Variants in SEMA4A observed in about 807,000 individuals in gnomAD.
The protein encoded by SEMA4A is semaphorin 4A, also known as semaphorin-4A.
A neutral mutation model predicts 72.5 loss-of-function variants in SEMA4A; 52 were observed. The ratio of observed to expected loss-of-function variants is 0.72; its 90% CI spans 0.57 to 0.90. The LOEUF (loss-of-function observed/expected upper bound fraction) is 0.90, where lower values mean the gene tolerates loss of function less well. Ranked by LOEUF, SEMA4A falls within the 40% of genes least tolerant of loss-of-function variation. The pLI is 0.00. For synonymous variants in SEMA4A, 369 were observed against 393.1 expected (o/e 0.94, Z 0.73); for missense variants, 926 against 959.7 (o/e 0.96, Z 0.46).
chr1:156,177,102 T>C lies in SEMA4A; in HGVS notation c.*105T>C, dbSNP rs1572434528. On this transcript the variant is annotated 3_prime_UTR_variant, in exon 15 of 15. Coordinates refer to ENST00000368285, the MANE Select transcript of SEMA4A (RefSeq NM_022367.4). Reference sequence around the variant, plus strand: ...TGACAGCAGCACAAAAGACCACCTTTCTCCCCTGAGAGGAGCTTCTGCTAC... The same window carrying C: ...TGACAGCAGCACAAAAGACCACCTTCCTCCCCTGAGAGGAGCTTCTGCTAC... 4 of 991,404 alleles carry C rather than the reference T, an allele frequency of 4.0e-6. No homozygotes were observed. The highest frequency in any genetic ancestry group is 2.6e-5 in the East Asian group (1 of 39,088). 61.4% of individuals were successfully genotyped at this position (991,404 alleles called of 1,614,324 possible).
At chr1:156,170,871 A>G (rs1437552868) in intron 10 of SEMA4A, among the ~76,000 whole-genome samples, 17 of 152,086 alleles carry the variant, frequency 1.1e-4, no homozygotes. Flanking sequence ...CAGTGAACCA[A>G]GATCATGCCA....
In SEMA4A at chr1:156,154,610, G is replaced by C; in HGVS notation, c.32G>C (p.Trp11Ser). 2 of 1,610,880 alleles carry C rather than the reference G, an allele frequency of 1.2e-6. No homozygotes were observed. Among genetic ancestry groups the C allele is most frequent in the Non-Finnish European group, 1.7e-6 (2 of 1,179,252 alleles). The change falls in exon 2 of 15, where the codon TGG becomes TCG. Residue 11 changes from tryptophan (W) to serine (S), a missense_variant. Transcript: ENST00000368285. The stretch of plus-strand genomic sequence containing the variant: ...CTCCCAGCCCTGGGCCTGGACCCCT[G>C]GAGCCTCCTGGGCCTTTTCCTCTTC... Reference protein sequence around the residue: MALPALGLDPWSLLGLFLFQL... With the variant: MALPALGLDPSSLLGLFLFQL...
rs781595745 is a variant in SEMA4A, at chr1:156,176,980, G to A, written c.2269G>A (p.Gly757Ser). The A allele has an allele frequency of 6.2e-7, 1 of 1,610,892 alleles. No homozygotes were observed. Among genetic ancestry groups the A allele is most frequent in the Non-Finnish European group, 8.5e-7 (1 of 1,180,014 alleles). ...SDVDADNNCL[G>S]TEVA The stretch of plus-strand genomic sequence containing the variant: ...TGTGGACGCTGACAACAACTGCCTA[G>A]GCACTGAGGTAGCTTAAACTCTAGG... Residue 757 changes from glycine (G) to serine (S), a missense_variant, in exon 15 of 15, where the codon GGC becomes AGC. By Grantham distance (56) the Gly-to-Ser change is moderately conservative. Transcript: ENST00000368285.
chr1:156,161,537 C>T lies in SEMA4A; in HGVS notation c.983+19C>T, dbSNP rs751786033. On this transcript the variant is annotated intron_variant, in intron 9 of 14. Transcript: ENST00000368285. The stretch of plus-strand genomic sequence containing the variant: ...CCCAGTGGTGAGCAGCAGGGCTGGA[C>T]CATGGGGGCTGGACACGGGACTTGA... 8.7e-6 allele frequency: 14 copies of T among 1,613,342 alleles called. No homozygotes were observed. The highest frequency in any genetic ancestry group is 1.2e-5 in the Non-Finnish European group (14 of 1,179,714).
At chr1:156,156,380 C>CCTCATCA (rs1558146507) in intron 2 of SEMA4A, 34 bp from the exon 3 acceptor site, 1 of 1,610,804 alleles carries the variant, frequency 6.2e-7, no homozygotes, top group Non-Finnish European at 8.5e-7. Context: ...CCCACCAAGT[C>CCTCATCA]CTCATCACTC....
intron 8 of SEMA4A, 21 bp downstream of exon 8, chr1:156,161,050 G>C (rs1653570832): frequency 2.6e-6 from 3 of 1,138,950 alleles, no homozygotes; most frequent in Non-Finnish European, 3.9e-6. Context: ...TGGGCGGGGG[G>C]CGGGGCTAAC....
chr1:156,164,143 A>C (rs1206513752), intron 10 of SEMA4A, among the ~76,000 whole-genome samples: 1 of 152,178 alleles, frequency 6.6e-6, no homozygotes. Context: ...TTATATGTAC[A>C]TGATTTGAAG....
chr1:156,170,403 C>T (rs1427712656), intron 10 of SEMA4A, among the ~76,000 whole-genome samples: 12 of 120,088 alleles, frequency 1.0e-4, no homozygotes, highest in Admixed American at 2.2e-4. Context: ...GCGGAGGTTG[C>T]GGTGAGCCAA....
chr1:156,174,107 G>A (rs1265472569), intron 11 of SEMA4A, among the ~76,000 whole-genome samples: 5 of 150,494 alleles, frequency 3.3e-5, no homozygotes, highest in African/African-American at 7.5e-5. Flanking sequence ...GTGAAAATCC[G>A]TCTCAAAAAA....
intron 2 of SEMA4A, 183 bp downstream of exon 2, chr1:156,154,900 A>C: frequency 2.5e-6 from 2 of 800,462 alleles, no homozygotes; most frequent in Non-Finnish European, 3.8e-6. Context: ...AGAAGTCCAA[A>C]AGGAAAGAAA....
intron 11 of SEMA4A, 112 bp downstream of exon 11, chr1:156,173,118 G>T: frequency 9.1e-7 from 1 of 1,102,700 alleles, no homozygotes; most frequent in Non-Finnish European, 1.3e-6. Context: ...ACTGTTTACT[G>T]AGCACCTGCT....
Position 156,163,066 on chromosome 1 carries a change from G to C in SEMA4A, c.1106G>C (p.Gly369Ala), listed in dbSNP as rs766333320. The C allele has an allele frequency of 6.2e-7, 1 of 1,614,108 alleles. No homozygotes were observed. The highest frequency in any genetic ancestry group is 8.5e-7 in the Non-Finnish European group (1 of 1,180,018). The change falls in exon 10 of 15, where the codon GGC (glycine) becomes GCC (alanine). Residue 369 changes from glycine (G) to alanine (A), a missense_variant. Gly to Ala is a moderately conservative substitution (Grantham distance 60). Coordinates refer to ENST00000368285, the MANE Select transcript of SEMA4A (RefSeq NM_022367.4). ...KETSRWTTYR[G>A]PETNPRPGSC... ...ACTTCACGCTGGACTACTTATAGGG[G>C]CCCTGAGACCAACCCCCGGCCAGGC...
chr1:156,153,107 A>G (rs1268584952), upstream of SEMA4A, among the ~76,000 whole-genome samples: 1 of 152,150 alleles, frequency 6.6e-6, no homozygotes, highest in Non-Finnish European at 1.5e-5. Context: ...TCAAAGAGTG[A>G]TGGAGATTAG....
chr1:156,175,883 T>C (rs767054628), intron 14 of SEMA4A, among the ~76,000 whole-genome samples: 2 of 152,106 alleles, frequency 1.3e-5, no homozygotes, highest in African/African-American at 4.8e-5. Context: ...TTTTGGTGTC[T>C]GAGTTGGAGT....
At chr1:156,154,388 A>C in intron 1 of SEMA4A, 162 bp from the exon 2 acceptor site, 4 of 639,068 alleles carry the variant, frequency 6.3e-6, no homozygotes, top group Non-Finnish European at 1.1e-5. Context: ...TGAAAGTGAG[A>C]CCGTCTTAGG....
intron 10 of SEMA4A, among the ~76,000 whole-genome samples, chr1:156,163,874 C>CA (rs888641137): frequency 6.0e-5 from 9 of 150,564 alleles, no homozygotes; most frequent in East Asian, 3.9e-4. Flanking sequence ...CTGTCTCTAC[C>CA]AAAAAAAATG....
rs887565195 is a variant in SEMA4A at position 156,177,655 on chromosome 1, T to A, written c.*658T>A. The A allele has an allele frequency of 6.4e-6, 1 of 156,072 alleles. No homozygotes were observed. Among genetic ancestry groups the A allele is most frequent in the Non-Finnish European group, 1.4e-5 (1 of 70,066 alleles). 9.7% of individuals were successfully genotyped at this position (156,072 alleles called of 1,614,324 possible). A position where few individuals can be genotyped will look rare whatever the true frequency, so the allele number is the denominator to read the frequency against. On this transcript the variant is annotated 3_prime_UTR_variant, in exon 15 of 15. Coordinates refer to ENST00000368285, the MANE Select transcript of SEMA4A (RefSeq NM_022367.4). ...CACTCCTTTACCCTAGCTGACCCCT[T>A]CACCTCTCCCCCTCCCTTTTCCTTT...
At chr1:156,159,117 T>C (rs1572395544) in intron 6 of SEMA4A, 2 of 430,356 alleles carry the variant, frequency 4.6e-6, no homozygotes, top group Non-Finnish European at 8.5e-6. Context: ...GTGGATCATG[T>C]GACCCCAGGA....
rs1487082785 is a variant in SEMA4A at position 156,176,986 on chromosome 1, G to T, written c.2275G>T (p.Glu759Ter). 1 of 1,609,566 alleles carries T rather than the reference G, an allele frequency of 6.2e-7. No homozygotes were observed. The highest frequency in any genetic ancestry group is 1.3e-5 in the African/African-American group (1 of 74,956). ...VDADNNCLGT[E>*]VA ...CGCTGACAACAACTGCCTAGGCACT[G>T]AGGTAGCTTAAACTCTAGGCACAGG... Residue 759 changes from glutamate to a stop codon, truncating the protein, a stop_gained, in exon 15 of 15, where the codon GAG becomes TAG. Coordinates refer to ENST00000368285, the MANE Select transcript of SEMA4A (RefSeq NM_022367.4). LOFTEE classifies it high-confidence loss of function.
Sources: gnomAD v4.1 joint callset for allele counts (sites outside exome capture counted in the v4.1 genomes callset) on GRCh38, gnomAD v4.1.1 for gene constraint, MANE v1.5 for transcripts, NCBI Gene and HGNC (gene_info 2026-07-23, HGNC 2026-07-21) for gene names.